LRMDA: variants seen among roughly 807,000 people sequenced by gnomAD.
LRMDA encodes leucine-rich melanocyte differentiation-associated protein.
In LRMDA, 18 loss-of-function variants were observed where a neutral mutation model predicts 29.8. The ratio of observed to expected loss-of-function variants is 0.60; its 90% CI spans 0.42 to 0.90. The LOEUF (loss-of-function observed/expected upper bound fraction) is 0.90. LRMDA is among the 40% of genes least tolerant of loss of function. LRMDA has a pLI of 0.00. For synonymous variants in LRMDA, 125 were observed against 109.4 expected (o/e 1.14, Z -0.89); for missense variants, 273 against 273.9 (o/e 1.00, Z 0.02).
chr10:75,881,089 A>G (rs978927413), intron 2 of LRMDA, among the ~76,000 whole-genome samples: 3 of 152,196 alleles, frequency 2.0e-5, no homozygotes, highest in Admixed American at 6.5e-5. Flanking sequence ...TCTCCTGTCC[A>G]GTGAATATAA....
At chr10:76,332,289 A>G (rs1414865255) in intron 6 of LRMDA, among the ~76,000 whole-genome samples, 1 of 152,256 alleles carries the variant, frequency 6.6e-6, no homozygotes, top group Non-Finnish European at 1.5e-5. Context: ...CATGGAGTTT[A>G]GCCAGGAACT....
chr10:76,411,091 A>G (rs920903753), intron 6 of LRMDA, among the ~76,000 whole-genome samples: 4 of 152,220 alleles, frequency 2.6e-5, no homozygotes, highest in Non-Finnish European at 4.4e-5. Flanking sequence ...TTTCACCATC[A>G]TAATAACCAT....
chr10:76,301,599 ATCTC>A (rs1840481044), intron 5 of LRMDA, among the ~76,000 whole-genome samples: 1 of 152,168 alleles, frequency 6.6e-6, no homozygotes, highest in South Asian at 2.1e-4. Flanking sequence ...GAACTGACGG[ATCTC>A]TCTAAGTAGC....
rs868850898 is a variant in LRMDA at position 75,781,073 on chromosome 10, C to T, written c.132-254935C>T. Among the ~76,000 whole-genome samples the T allele has an allele frequency of 4.6e-5, 7 of 152,172 alleles. No homozygotes were observed. The South Asian group carries it at 8.3e-4, about 18-fold the overall frequency. ...AAGTGACCCACTCTTCCTTTTCCAC[C>T]TTGTGAAGACTTGCCTTGATATCAC... On this transcript the variant is annotated intron_variant, in intron 2 of 6. Transcript: ENST00000611255.
intron 6 of LRMDA, among the ~76,000 whole-genome samples, chr10:76,541,243 G>A (rs1038912397): frequency 3.3e-5 from 5 of 152,220 alleles, no homozygotes; most frequent in African/African-American, 7.2e-5. Context: ...GCTCACGCCT[G>A]TAATCCAAGC....
chr10:76,517,129 A>C (rs1294914169), intron 6 of LRMDA, among the ~76,000 whole-genome samples: 2 of 152,194 alleles, frequency 1.3e-5, no homozygotes, highest in Non-Finnish European at 2.9e-5. Flanking sequence ...AAAGTTTTTC[A>C]TTCAACAAAT....
At chr10:75,576,810 A>G in intron 2 of LRMDA, among the ~76,000 whole-genome samples, 1 of 152,202 alleles carries the variant, frequency 6.6e-6, no homozygotes, top group East Asian at 1.9e-4. Flanking sequence ...TGTTAGAAGG[A>G]ATACTAACAA....
intron 2 of LRMDA, among the ~76,000 whole-genome samples, chr10:75,812,090 T>C (rs1451323490): frequency 6.7e-6 from 1 of 150,098 alleles, no homozygotes; most frequent in African/African-American, 2.5e-5. Flanking sequence ...TAATAGTTTC[T>C]AAGGGGCTTT....
intron 2 of LRMDA, among the ~76,000 whole-genome samples, chr10:76,012,602 C>G (rs558621282): frequency 6.6e-6 from 1 of 152,282 alleles, no homozygotes; most frequent in South Asian, 2.1e-4. Flanking sequence ...AATTATAAAG[C>G]ATAGGAACAA....
intron 5 of LRMDA, among the ~76,000 whole-genome samples, chr10:76,125,579 C>T (rs7909516): frequency 0.34 from 51,421 of 151,996 alleles, 9,794 homozygotes; most frequent in East Asian, 0.66. Flanking sequence ...GTAAAATTGC[C>T]TACCATCTGT....
At chr10:75,854,788 A>G (rs939434426) in intron 2 of LRMDA, among the ~76,000 whole-genome samples, 5 of 151,146 alleles carry the variant, frequency 3.3e-5, no homozygotes, top group African/African-American at 9.7e-5. Flanking sequence ...TCATTGTTCA[A>G]TTCCCACCTA....
chr10:76,018,333 T>C (rs1847912476), intron 2 of LRMDA, among the ~76,000 whole-genome samples: 1 of 152,142 alleles, frequency 6.6e-6, no homozygotes, highest in Admixed American at 6.5e-5. Context: ...GTCATGACAA[T>C]CAAAAATGTC....
intron 5 of LRMDA, among the ~76,000 whole-genome samples, chr10:76,312,477 C>T (rs371683266): frequency 6.6e-6 from 1 of 152,026 alleles, no homozygotes; most frequent in African/African-American, 2.4e-5. Flanking sequence ...GAACTTGACC[C>T]GTAGCCCTCA....
Position 76,353,507 on chromosome 10 carries a change from A to G in LRMDA, c.601+29022A>G, listed in dbSNP as rs1365480972. Among the ~76,000 whole-genome samples, 5 of 152,282 alleles carry G rather than the reference A, an allele frequency of 3.3e-5. No homozygotes were observed. The East Asian group carries it at 9.7e-4, about 29-fold the overall frequency. ...ACCAGGGCTCTCCACATTGTCAGGAACAGTCTGATGATGACACGTTCGAAG... is the reference window on the plus strand; with the variant it reads ...ACCAGGGCTCTCCACATTGTCAGGAGCAGTCTGATGATGACACGTTCGAAG... On this transcript the variant is annotated intron_variant, in intron 6 of 6. Transcript: ENST00000611255.
intron 2 of LRMDA, among the ~76,000 whole-genome samples, chr10:75,748,722 G>T (rs1842918331): frequency 6.6e-6 from 1 of 152,000 alleles, no homozygotes; most frequent in Non-Finnish European, 1.5e-5. Context: ...TCAATTTAGT[G>T]GGTTGTAACC....
intron 2 of LRMDA, among the ~76,000 whole-genome samples, chr10:75,635,793 T>A (rs1841384199): frequency 7.1e-6 from 1 of 140,844 alleles, no homozygotes; most frequent in Non-Finnish European, 1.5e-5. Flanking sequence ...TTCCTTGCTA[T>A]TTTTTTTTTT....
intron 2 of LRMDA, among the ~76,000 whole-genome samples, chr10:75,599,842 C>T (rs1338697076): frequency 6.6e-6 from 1 of 152,084 alleles, no homozygotes; most frequent in African/African-American, 2.4e-5. Context: ...GAGCAGGACC[C>T]TAGAGAGTGG....
At chr10:76,308,308 G>C (rs1840585164) in intron 5 of LRMDA, among the ~76,000 whole-genome samples, 1 of 152,170 alleles carries the variant, frequency 6.6e-6, no homozygotes. Context: ...GTCAACACTA[G>C]TGAGCCATGA....
intron 5 of LRMDA, among the ~76,000 whole-genome samples, chr10:76,199,703 T>A (rs1851393259): frequency 6.6e-6 from 1 of 152,158 alleles, no homozygotes; most frequent in Admixed American, 6.5e-5. Flanking sequence ...AATAATAAAA[T>A]TGAAATAGTG....
Sources: allele counts gnomAD v4.1 joint callset (sites outside exome capture counted in the v4.1 genomes callset), GRCh38; gene constraint gnomAD v4.1.1; transcripts MANE v1.5; gene names NCBI Gene and HGNC (gene_info 2026-07-23, HGNC 2026-07-21).